ZFYVE1: variants seen among roughly 807,000 people sequenced by gnomAD.
The protein encoded by ZFYVE1 is zinc finger FYVE-type containing 1.
In ZFYVE1, 30 loss-of-function variants were observed where a neutral mutation model predicts 74.4. That is an observed-to-expected ratio of 0.40 (90% CI 0.30 to 0.55). The LOEUF (loss-of-function observed/expected upper bound fraction) is 0.55, where lower values mean the gene tolerates loss of function less well. Ranked by LOEUF, ZFYVE1 falls within the 20% of genes least tolerant of loss-of-function variation. The pLI is 0.42. For missense variants in ZFYVE1, 703 were observed against 1,011.6 expected (o/e 0.69, Z 4.14); for synonymous variants, 335 against 385.1 (o/e 0.87, Z 1.52).
At chr14:72,973,610 G>T (rs1251041501) in intron 11 of ZFYVE1, among the ~76,000 whole-genome samples, 1 of 152,156 alleles carries the variant, frequency 6.6e-6, no homozygotes, top group African/African-American at 2.4e-5. Flanking sequence ...AACCACTGAA[G>T]AGGCCTGGAG....
intron 2 of ZFYVE1, among the ~76,000 whole-genome samples, chr14:72,999,781 G>A (rs999081429): frequency 6.6e-6 from 1 of 152,098 alleles, no homozygotes; most frequent in Non-Finnish European, 1.5e-5. Flanking sequence ...ACAAAGAGGC[G>A]GGGCATGGTA....
At position 72,975,062 on chromosome 14, in the gene ZFYVE1, G is replaced by A; in HGVS notation, c.1807-103C>T. ...CCCGGAGCAAGCAGAAACTAAGGCA[G>A]GTGGCGTTAGCTCAACAAGGACAAG... On this transcript the variant is annotated intron_variant, in intron 9 of 11. Transcript: ENST00000556143. This position sits in a 1 kb window ranked among gnomAD's most constrained non-coding sequence, Gnocchi z 4.1. 7.7e-7 allele frequency: 1 copy of A among 1,305,274 alleles called. No homozygotes were observed. Among genetic ancestry groups the A allele is most frequent in the Non-Finnish European group, 1.0e-6 (1 of 960,624 alleles). The allele number at this position is 1,305,274 out of a possible 1,614,324, so 80.9% of individuals were successfully genotyped here.
Position 72,998,278 on chromosome 14 carries a change from C to A in ZFYVE1, c.521G>T (p.Cys174Phe), listed in dbSNP as rs1211648977. 6.4e-7 allele frequency: 1 copy of A among 1,550,636 alleles called. No individual in the cohort carries two copies. Among genetic ancestry groups the A allele is most frequent in the Non-Finnish European group, 8.7e-7 (1 of 1,150,856 alleles). The change falls in exon 3 of 12, where the codon TGC becomes TTC. Residue 174 changes from cysteine to phenylalanine, a missense_variant. By Grantham distance (205) the Cys-to-Phe change is radical. Coordinates refer to ENST00000556143, the MANE Select transcript of ZFYVE1 (RefSeq NM_021260.4). The stretch of plus-strand genomic sequence containing the variant: ...CACTTTCAGATGCTGATCAGGTTTG[C>A]AGTCCAATTTTCTAATAAAGTCTTC... ...NEEDFIRKLDCKPDQHLKVVS... is the reference protein window; with the variant it reads ...NEEDFIRKLDFKPDQHLKVVS...
chr14:73,025,316 G>A (rs1439639486), intron 1 of ZFYVE1, among the ~76,000 whole-genome samples: 22 of 151,752 alleles, frequency 1.4e-4, no homozygotes, highest in African/African-American at 4.1e-4. Flanking sequence ...TGATCTGCCC[G>A]CCTTGGCCTC....
intron 2 of ZFYVE1, among the ~76,000 whole-genome samples, chr14:73,011,558 C>T (rs978283744): frequency 3.3e-5 from 5 of 151,400 alleles, no homozygotes; most frequent in Non-Finnish European, 5.9e-5. Flanking sequence ...CTTGCTCTGT[C>T]GCCCAGGCTG....
At chr14:73,016,798 C>T (rs1445869159) in intron 2 of ZFYVE1, among the ~76,000 whole-genome samples, 1 of 150,934 alleles carries the variant, frequency 6.6e-6, no homozygotes, top group Non-Finnish European at 1.5e-5. Flanking sequence ...CACTTGAACC[C>T]AGGAGTCAGA....
chr14:73,019,414 T>TAA lies in ZFYVE1; in HGVS notation c.483+4610_483+4611dup, dbSNP rs34987994. ...CTGGGCAACACAGCAAGACCCCATCTAAAAAAAAAATCCCTATGTACTAAA... is the reference window on the plus strand; with the variant it reads ...CTGGGCAACACAGCAAGACCCCATCTAAAAAAAAAAAATCCCTATGTACTAAA... On this transcript the variant is annotated intron_variant, in intron 2 of 11. Coordinates refer to ENST00000556143, the MANE Select transcript of ZFYVE1 (RefSeq NM_021260.4). Among the ~76,000 whole-genome samples the TAA allele has an allele frequency of 1.2e-4, 18 of 149,694 alleles. No individual in the cohort carries two copies. The East Asian group carries it at 1.6e-3, about 13-fold the overall frequency.
At chr14:73,026,247 A>G (rs541427465) in intron 1 of ZFYVE1, among the ~76,000 whole-genome samples, 9 of 152,180 alleles carry the variant, frequency 5.9e-5, no homozygotes, top group Non-Finnish European at 1.0e-4. Flanking sequence ...CTTAAAAACT[A>G]ACTTAAAAAT....
chr14:73,020,908 A>C (rs1894305485), intron 2 of ZFYVE1, among the ~76,000 whole-genome samples: 1 of 151,976 alleles, frequency 6.6e-6, no homozygotes, highest in South Asian at 2.1e-4. Flanking sequence ...TACTTTTTTT[A>C]TTTTCATTAG....
intron 4 of ZFYVE1, among the ~76,000 whole-genome samples, chr14:72,986,563 CTTTT>C (rs751115992): frequency 3.7e-5 from 5 of 136,792 alleles, no homozygotes; most frequent in Admixed American, 7.4e-5. Context: ...TCAGCTTTTC[CTTTT>C]TTTTTTTTTT....
chr14:73,009,876 G>C (rs1296816973), intron 2 of ZFYVE1, among the ~76,000 whole-genome samples: 1 of 152,146 alleles, frequency 6.6e-6, no homozygotes, highest in East Asian at 1.9e-4. Context: ...GGGAGGCTGA[G>C]ACCGGAGCAC....
chr14:72,998,412 T>C (rs1054261130), intron 2 of ZFYVE1, 97 bp from the exon 3 acceptor site: 36 of 1,206,610 alleles, frequency 3.0e-5, no homozygotes, highest in African/African-American at 2.6e-4. Flanking sequence ...AGGAACTTGA[T>C]TGAATTGTCA....
In ZFYVE1 at chr14:72,993,174, C is replaced by T. The variant is rs759215529; in HGVS notation, c.1172G>A (p.Arg391Gln). ...LLENNTTRSP[R>Q]HPGVIFKALK... The stretch of plus-strand genomic sequence containing the variant: ...GGCTTTGAAGATGACTCCCGGGTGC[C>T]GGGGAGAACGGGTGGTGTTATTCTC... The change falls in exon 4 of 12, where the codon CGG becomes CAG. Residue 391 changes from arginine to glutamine, a missense_variant. Arg to Gln is a conservative substitution (Grantham distance 43). This residue lies in a region of ZFYVE1 where 492 missense variants were observed against 790.0 expected (regional missense o/e 0.62). Coordinates refer to ENST00000556143, the MANE Select transcript of ZFYVE1 (RefSeq NM_021260.4). 3 of 1,612,040 alleles carry T rather than the reference C, an allele frequency of 1.9e-6. No individual in the cohort carries two copies. Among genetic ancestry groups the T allele is most frequent in the Non-Finnish European group, 2.5e-6 (3 of 1,178,818 alleles).
intron 5 of ZFYVE1, among the ~76,000 whole-genome samples, chr14:72,979,383 C>T (rs907432662): frequency 2.0e-5 from 3 of 152,016 alleles, no homozygotes; most frequent in African/African-American, 7.2e-5. Flanking sequence ...ACCCATAGTC[C>T]CAGGTACTCG....
intron 2 of ZFYVE1, among the ~76,000 whole-genome samples, chr14:73,003,246 T>C (rs962004228): frequency 2.0e-5 from 3 of 151,870 alleles, no homozygotes; most frequent in Admixed American, 6.6e-5. Context: ...TTAGTAGAGA[T>C]GGGATTTCGC....
At chr14:72,972,847 A>G (rs1893070400) in intron 11 of ZFYVE1, among the ~76,000 whole-genome samples, 1 of 151,794 alleles carries the variant, frequency 6.6e-6, no homozygotes, top group Non-Finnish European at 1.5e-5. Flanking sequence ...AGCTGGGACT[A>G]CAGGTGCCCG....
intron 2 of ZFYVE1, among the ~76,000 whole-genome samples, chr14:73,005,659 CACTCAGCGG>C (rs1893962993): frequency 6.6e-6 from 1 of 152,174 alleles, no homozygotes; most frequent in Non-Finnish European, 1.5e-5. Context: ...CTCCTAGCGA[CACTCAGCGG>C]ACTAAAAGAG....
intron 5 of ZFYVE1, among the ~76,000 whole-genome samples, chr14:72,980,097 A>G (rs550696438): frequency 6.7e-4 from 102 of 152,324 alleles, no homozygotes; most frequent in Middle Eastern, 6.8e-3. Context: ...CACACTGTCA[A>G]CTAACATCCC....
intron 5 of ZFYVE1, among the ~76,000 whole-genome samples, chr14:72,979,610 C>T (rs142071280): frequency 2.0e-5 from 3 of 151,186 alleles, no homozygotes; most frequent in Non-Finnish European, 4.4e-5. Context: ...GCCAAGATCA[C>T]ACCGCTATAC....
Sources: allele counts gnomAD v4.1 joint callset (sites outside exome capture counted in the v4.1 genomes callset), GRCh38; gene constraint gnomAD v4.1.1; regional missense constraint gnomAD v4.1.1; non-coding constraint Gnocchi (gnomAD v3.1); transcripts MANE v1.5; gene names NCBI Gene and HGNC (gene_info 2026-07-23, HGNC 2026-07-21).